Variants in TRPC4 observed in about 807,000 individuals in gnomAD.
TRPC4 encodes transient receptor potential cation channel subfamily C member 4.
In TRPC4, 49 loss-of-function variants were observed where a neutral mutation model predicts 99.4. That is an observed-to-expected ratio of 0.49 (90% CI 0.39 to 0.63). The LOEUF (loss-of-function observed/expected upper bound fraction) is 0.63, where lower values mean the gene tolerates loss of function less well. Ranked by LOEUF, TRPC4 falls within the 20% of genes least tolerant of loss-of-function variation. The pLI, the probability that TRPC4 is intolerant of heterozygous loss-of-function variation, is 0.00. For synonymous variants in TRPC4, 454 were observed against 425.9 expected (o/e 1.07, Z -0.81); for missense variants, 898 against 1,152.9 (o/e 0.78, Z 3.20).
intron 1 of TRPC4, among the ~76,000 whole-genome samples, chr13:37,841,412 A>G (rs1332921341): frequency 6.6e-6 from 1 of 152,214 alleles, no homozygotes; most frequent in East Asian, 1.9e-4. Context: ...ACAAATATCA[A>G]TGTTAGATTT....
At chr13:37,656,853 T>A (rs1043705575) in intron 6 of TRPC4, among the ~76,000 whole-genome samples, 2 of 152,148 alleles carry the variant, frequency 1.3e-5, no homozygotes, top group Non-Finnish European at 2.9e-5. Context: ...AGAGTAACAA[T>A]CCCATGGCCC....
chr13:37,855,337 G>GATATATATATATATATATATATAT lies in TRPC4; in HGVS notation c.-28+14257_-28+14258insATATATATATATATATATATATAT, dbSNP rs59525799. On this transcript the variant is annotated intron_variant, in intron 1 of 10. Coordinates refer to ENST00000379705, the MANE Select transcript of TRPC4 (RefSeq NM_016179.4). ...TACACATGTAGATATATACAATGTAGATATATATATATATATATATGCACC... is the reference window on the plus strand; with the variant it reads ...TACACATGTAGATATATACAATGTAGATATATATATATATATATATATATATATATATATATATATATATGCACC... Among the ~76,000 whole-genome samples, 354 of 136,456 alleles carry GATATATATATATATATATATATAT rather than the reference G, an allele frequency of 2.6e-3. 3 individuals carry two copies. The highest frequency in any genetic ancestry group is 7.6e-3 in the Middle Eastern group (2 of 264). 89.5% of individuals were successfully genotyped at this position (136,456 alleles called of 152,430 possible).
intron 8 of TRPC4, among the ~76,000 whole-genome samples, chr13:37,650,552 G>C (rs977698824): frequency 6.7e-6 from 1 of 149,594 alleles, no homozygotes; most frequent in Non-Finnish European, 1.5e-5. Flanking sequence ...GGCAGTCCCC[G>C]CCCCCTCACC....
intron 1 of TRPC4, among the ~76,000 whole-genome samples, chr13:37,814,100 A>AAAC (rs1302087280): frequency 1.3e-5 from 2 of 152,022 alleles, no homozygotes; most frequent in East Asian, 3.9e-4. Context: ...ATAGACACAG[A>AAAC]AACAACATTT....
intron 2 of TRPC4, among the ~76,000 whole-genome samples, chr13:37,761,314 A>G (rs527367153): frequency 9.9e-5 from 15 of 152,026 alleles, no homozygotes; most frequent in Non-Finnish European, 1.5e-4. Context: ...CAGGCCTCAG[A>G]GAAGTTCAGT....
chr13:37,777,096 A>C (rs1956726686), intron 2 of TRPC4, among the ~76,000 whole-genome samples: 1 of 151,912 alleles, frequency 6.6e-6, no homozygotes, highest in African/African-American at 2.4e-5. Context: ...AAAATCTCCT[A>C]TATGCACTGA....
chr13:37,745,450 A>ATATATATATATATGCG (rs1555265669), intron 3 of TRPC4, among the ~76,000 whole-genome samples: 36 of 2,978 alleles, frequency 0.012, no homozygotes, highest in Middle Eastern at 0.17. Flanking sequence ...ATATATATAT[A>ATATATATATATATGCG]TATATATATA....
At chr13:37,648,695 T>C (rs1951923944) in intron 8 of TRPC4, among the ~76,000 whole-genome samples, 1 of 152,172 alleles carries the variant, frequency 6.6e-6, no homozygotes, top group South Asian at 2.1e-4. Flanking sequence ...AATAAAACTG[T>C]TTAACTCTGA....
rs977041193 is a variant in TRPC4 at position 37,706,719 on chromosome 13, A to G, written c.898-14384T>C. 2.0e-5 allele frequency among the ~76,000 whole-genome samples: 3 copies of G among 151,888 alleles called. No individual in the cohort carries two copies. The South Asian group carries it at 6.2e-4, about 32-fold the overall frequency. ...GTTCAATTCCCACCTATGAGTGAGA[A>G]CATGCGGTGTTTGGTTTGTTTGTTC... On this transcript the variant is annotated intron_variant, in intron 3 of 10. Coordinates refer to ENST00000379705, the MANE Select transcript of TRPC4 (RefSeq NM_016179.4).
chr13:37,714,337 G>A (rs1466041390), intron 3 of TRPC4, among the ~76,000 whole-genome samples: 1 of 152,062 alleles, frequency 6.6e-6, no homozygotes, highest in Non-Finnish European at 1.5e-5. Flanking sequence ...ACGTTCACAA[G>A]ACTGGTCTCG....
intron 3 of TRPC4, among the ~76,000 whole-genome samples, chr13:37,710,454 AG>A (rs563651586): frequency 6.6e-6 from 1 of 152,032 alleles, no homozygotes; most frequent in East Asian, 1.9e-4. Context: ...AGATTTTAAG[AG>A]GGTGTTATTA....
chr13:37,637,696 A>G (rs1484680776), intron 10 of TRPC4, 71 bp from the exon 11 acceptor site: 1 of 1,427,624 alleles, frequency 7.0e-7, no homozygotes, highest in Admixed American at 2.4e-5. Context: ...CTCGTCTCAT[A>G]TATGGGTCAG....
chr13:37,652,946 G>A (rs1238500204), intron 7 of TRPC4, among the ~76,000 whole-genome samples: 1 of 152,084 alleles, frequency 6.6e-6, no homozygotes, highest in African/African-American at 2.4e-5. Context: ...CTCTAAGCTG[G>A]TGATGACTAG....
chr13:37,654,890 C>T (rs1213644670), intron 7 of TRPC4, among the ~76,000 whole-genome samples, 198 bp downstream of exon 7: 1 of 152,172 alleles, frequency 6.6e-6, no homozygotes, highest in African/African-American at 2.4e-5. Context: ...TCATGTGTAA[C>T]ATGACAAAAT....
intron 2 of TRPC4, among the ~76,000 whole-genome samples, chr13:37,780,876 T>A (rs1465195236): frequency 6.6e-6 from 1 of 152,084 alleles, no homozygotes; most frequent in Non-Finnish European, 1.5e-5. Flanking sequence ...GAAGAGGAAT[T>A]CTAGAATGTA....
chr13:37,636,973 G>C lies in TRPC4; in HGVS notation c.2864C>G (p.Ser955Cys), dbSNP rs761065349. Reference sequence around the variant, plus strand: ...GAGGTTTAGATCATAGTCTATACTAGAGTCCTCTTCTTTTGCATGTTTCTC... The same window carrying C: ...GAGGTTTAGATCATAGTCTATACTACAGTCCTCTTCTTTTGCATGTTTCTC... ...PKEKHAKEED[S>C]SIDYDLNLPD... Residue 955 changes from serine to cysteine, a missense_variant, in exon 11 of 11, where the codon TCT becomes TGT. This residue lies in a region of TRPC4 where 346 missense variants were observed against 351.4 expected (regional missense o/e 0.98). Transcript: ENST00000379705. 1.9e-6 allele frequency: 3 copies of C among 1,613,650 alleles called. No individual in the cohort carries two copies. Among genetic ancestry groups the C allele is most frequent in the African/African-American group, 1.3e-5 (1 of 75,000 alleles).
At chr13:37,816,606 C>T (rs539212387) in intron 1 of TRPC4, among the ~76,000 whole-genome samples, 5 of 152,026 alleles carry the variant, frequency 3.3e-5, no homozygotes, top group African/African-American at 1.2e-4. Context: ...CCTTGAAGAA[C>T]ATTGATGCAA....
chr13:37,693,126 AT>A (rs1057400957), intron 3 of TRPC4, among the ~76,000 whole-genome samples: 1 of 151,862 alleles, frequency 6.6e-6, no homozygotes, highest in Non-Finnish European at 1.5e-5. Flanking sequence ...CTGGTCCAGG[AT>A]TTTTTTCTCA....
At chr13:37,687,470 C>G (rs1055579035) in intron 4 of TRPC4, among the ~76,000 whole-genome samples, 1 of 152,124 alleles carries the variant, frequency 6.6e-6, no homozygotes, top group Non-Finnish European at 1.5e-5. Flanking sequence ...GGCCTGACAA[C>G]CAGCATTCAA....
Sources: allele counts gnomAD v4.1 joint callset (sites outside exome capture counted in the v4.1 genomes callset), GRCh38; gene constraint gnomAD v4.1.1; regional missense constraint gnomAD v4.1.1; transcripts MANE v1.5; gene names NCBI Gene and HGNC (gene_info 2026-07-23, HGNC 2026-07-21).